Variants in ELF2 observed in about 807,000 individuals in gnomAD.
ELF2 encodes ETS-related transcription factor Elf-2.
A neutral mutation model predicts 54.8 loss-of-function variants in ELF2; 11 were observed. The observed-to-expected ratio is 0.20, with a 90% CI of 0.13 to 0.33. The LOEUF is 0.33. ELF2 is among the 10% of genes least tolerant of loss of function. The pLI is 1.00. For synonymous variants in ELF2, 203 were observed against 245.1 expected (o/e 0.83, Z 1.61); for missense variants, 513 against 703.0 (o/e 0.73, Z 3.06).
In ELF2 at chr4:139,115,479, C is replaced by CG; in HGVS notation, c.238+9684dup. ...TAGCTCGCCGCGGCGAGGGCAGCGG[C>CG]GGGGGTGCCCGAGGGCAGCTGCAGC... On this transcript the variant is annotated intron_variant, in intron 4 of 9. Transcript: ENST00000686138. 2 of 828,118 alleles carry CG rather than the reference C, an allele frequency of 2.4e-6. 1 individual carries two copies. The highest frequency in any genetic ancestry group is 2.9e-6 in the Non-Finnish European group (2 of 687,364). The allele number at this position is 828,118 out of a possible 1,614,324, so 51.3% of individuals were successfully genotyped here. A position where few individuals can be genotyped will look rare whatever the true frequency, so the allele number is the denominator to read the frequency against.
intron 1 of ELF2, among the ~76,000 whole-genome samples, chr4:139,146,938 G>GA (rs920360568): frequency 3.3e-5 from 5 of 152,008 alleles, no homozygotes; most frequent in Non-Finnish European, 7.4e-5. Context: ...AGATAACCTA[G>GA]AAAAAAATTC....
chr4:139,131,751 C>CA (rs1030436065), intron 3 of ELF2, among the ~76,000 whole-genome samples: 86 of 149,452 alleles, frequency 5.8e-4, no homozygotes, highest in African/African-American at 1.9e-3. Flanking sequence ...ACTTGCTATG[C>CA]AAACCCAGTT....
intron 1 of ELF2, among the ~76,000 whole-genome samples, chr4:139,156,624 G>A (rs1740575071): frequency 8.1e-6 from 1 of 123,538 alleles, no homozygotes; most frequent in African/African-American, 3.0e-5. Context: ...TTGTTGTTTT[G>A]TTGTTGTTGT....
chr4:139,079,264 A>G (rs1307019907), intron 4 of ELF2, among the ~76,000 whole-genome samples: 1 of 152,182 alleles, frequency 6.6e-6, no homozygotes, highest in East Asian at 1.9e-4. Flanking sequence ...AAAAGTAAGT[A>G]GCTTTGTTTT....
In ELF2 at chr4:139,121,095, A is replaced by ATTTTTTTTTTTT. The variant is rs10711256; in HGVS notation, c.238+4057_238+4068dup. Among the ~76,000 whole-genome samples, 9 of 65,084 alleles carry ATTTTTTTTTTTT rather than the reference A, an allele frequency of 1.4e-4. 3 individuals carry two copies. Among genetic ancestry groups the ATTTTTTTTTTTT allele is most frequent in the African/African-American group, 6.9e-4 (9 of 13,092 alleles). The allele number at this position is 65,084 out of a possible 152,430, so 42.7% of individuals were successfully genotyped here. ...GCTTTGTATTTTGAATATAACACAG[A>ATTTTTTTTTTTT]TTTTTTTTTTTTTTTTTTTTTTTTT... On this transcript the variant is annotated intron_variant, in intron 4 of 9. Coordinates refer to ENST00000686138, the MANE Select transcript of ELF2 (RefSeq NM_001331036.3).
At chr4:139,063,437 A>C (rs933972166) in intron 7 of ELF2, among the ~76,000 whole-genome samples, 2 of 152,188 alleles carry the variant, frequency 1.3e-5, no homozygotes, top group Non-Finnish European at 2.9e-5. Flanking sequence ...AATTCCTTAA[A>C]ATTAGTCAAG....
intron 1 of ELF2, among the ~76,000 whole-genome samples, chr4:139,161,501 C>T (rs1433082156): frequency 1.3e-5 from 2 of 151,946 alleles, no homozygotes; most frequent in East Asian, 1.9e-4. Context: ...GAGTTATCAA[C>T]AAAATCTCCA....
chr4:139,115,462 CGCGGCGAGG>C, intron 4 of ELF2: 2 of 946,402 alleles, frequency 2.1e-6, no homozygotes, highest in Non-Finnish European at 2.5e-6. Context: ...GTTAGCTCGC[CGCGGCGAGG>C]GCAGCGGCGG....
chr4:139,135,267 GTGTGTGTGTGTGTA>G lies in ELF2; in HGVS notation c.72+2349_72+2362del, dbSNP rs987968090. On this transcript the variant is annotated intron_variant, in intron 3 of 9. Coordinates refer to ENST00000686138, the MANE Select transcript of ELF2 (RefSeq NM_001331036.3). Reference sequence around the variant, plus strand: ...TGTGTGTGTGTGTGTGTGTGTGTGTGTGTGTGTGTGTGTATATATGAATGAAACATTCCTGAAAA... The same window carrying G: ...TGTGTGTGTGTGTGTGTGTGTGTGTGTATATGAATGAAACATTCCTGAAAA... Among the ~76,000 whole-genome samples, 10 of 145,310 alleles carry G rather than the reference GTGTGTGTGTGTGTA, an allele frequency of 6.9e-5. No individual in the cohort carries two copies. The East Asian group carries it at 1.2e-3, about 17-fold the overall frequency.
chr4:139,169,445 G>C (rs1340309813), intron 1 of ELF2, among the ~76,000 whole-genome samples: 1 of 151,622 alleles, frequency 6.6e-6, no homozygotes, highest in South Asian at 2.1e-4. Flanking sequence ...ACTTCTGCAA[G>C]GACATCTGCC....
chr4:139,068,733 G>T (rs1212852713), intron 6 of ELF2, among the ~76,000 whole-genome samples: 2 of 152,194 alleles, frequency 1.3e-5, no homozygotes, highest in Non-Finnish European at 2.9e-5. Context: ...CACGAAAGAG[G>T]ATTAAGCCTG....
At chr4:139,084,274 C>T in intron 4 of ELF2, 2 of 1,603,410 alleles carry the variant, frequency 1.2e-6, no homozygotes, top group African/African-American at 1.3e-5. Context: ...AACCCGCGGC[C>T]GGAGACACAC....
intron 1 of ELF2, among the ~76,000 whole-genome samples, chr4:139,159,140 A>G (rs1740845142): frequency 6.6e-6 from 1 of 152,190 alleles, no homozygotes; most frequent in Non-Finnish European, 1.5e-5. Flanking sequence ...GTGTCCACCT[A>G]GACCAAGAGG....
intron 4 of ELF2, among the ~76,000 whole-genome samples, chr4:139,119,529 C>T (rs1308552143): frequency 1.3e-5 from 2 of 152,196 alleles, no homozygotes; most frequent in Non-Finnish European, 2.9e-5. Flanking sequence ...CCCAAGGTGA[C>T]TCCCTGTTCA....
intron 2 of ELF2, 48 bp downstream of exon 2, chr4:139,139,360 ATAAGG>A: frequency 1.1e-6 from 1 of 919,404 alleles, no homozygotes; most frequent in South Asian, 5.6e-5. Context: ...CTATCACCAT[ATAAGG>A]TACTATTCCC....
intron 4 of ELF2, among the ~76,000 whole-genome samples, chr4:139,091,099 A>G (rs1387890893): frequency 1.3e-5 from 2 of 151,962 alleles, no homozygotes; most frequent in African/African-American, 2.4e-5. Context: ...ATGCCCGGCT[A>G]ATTTTTTGTA....
In ELF2 at chr4:139,066,009, C is replaced by CTTTTT. The variant is rs372715360; in HGVS notation, c.613+1670_613+1674dup. On this transcript the variant is annotated intron_variant, in intron 7 of 9. Coordinates refer to ENST00000686138, the MANE Select transcript of ELF2 (RefSeq NM_001331036.3). ...AGTTCCTGAATGTGTTCAATGTCAC[C>CTTTTT]TTTTTTTTTTTTTTTTTTTTTTTTG... 298 of 105,624 alleles carry CTTTTT rather than the reference C, an allele frequency of 2.8e-3. 17 individuals carry two copies. Among genetic ancestry groups the CTTTTT allele is most frequent in the African/African-American group, 9.3e-3 (255 of 27,530 alleles). The allele number at this position is 105,624 out of a possible 1,614,324, so 6.5% of individuals were successfully genotyped here. A position where few individuals can be genotyped will look rare whatever the true frequency, so the allele number is the denominator to read the frequency against.
chr4:139,158,591 G>C (rs1318700849), intron 1 of ELF2, among the ~76,000 whole-genome samples: 1 of 152,066 alleles, frequency 6.6e-6, no homozygotes, highest in Non-Finnish European at 1.5e-5. Flanking sequence ...GGTTGTTAAA[G>C]GGAACATTTG....
chr4:139,125,414 C>T (rs1736817486), intron 3 of ELF2, 85 bp from the exon 4 acceptor site: 1 of 1,487,284 alleles, frequency 6.7e-7, no homozygotes, highest in South Asian at 1.3e-5. Flanking sequence ...AATACAGTCT[C>T]GAGCAGTCCA....
Sources: allele counts gnomAD v4.1 joint callset (sites outside exome capture counted in the v4.1 genomes callset), GRCh38; gene constraint gnomAD v4.1.1; transcripts MANE v1.5; gene names NCBI Gene and HGNC (gene_info 2026-07-23, HGNC 2026-07-21).